The following TMEM71 variants were observed in gnomAD, a reference collection of about 807,000 sequenced individuals.
TMEM71 encodes the protein transmembrane protein 71.
A neutral mutation model predicts 38.0 loss-of-function variants in TMEM71; 44 were observed. That is an observed-to-expected ratio of 1.16 (90% CI 0.91 to 1.49). TMEM71 has a LOEUF of 1.49. Among genes scored for constraint, TMEM71 ranks in the 40% most tolerant of loss-of-function variants. The pLI is 0.00. For synonymous variants in TMEM71, 133 were observed against 122.5 expected (o/e 1.09, Z -0.56); for missense variants, 367 against 348.6 (o/e 1.05, Z -0.42).
chr8:132,743,558 C>T (rs1438875421), intron 5 of TMEM71, among the ~76,000 whole-genome samples: 1 of 152,178 alleles, frequency 6.6e-6, no homozygotes, highest in African/African-American at 2.4e-5. Flanking sequence ...CAGGTTAATC[C>T]TGTCCTATTC....
intron 5 of TMEM71, among the ~76,000 whole-genome samples, chr8:132,741,515 A>T (rs1447853633): frequency 6.6e-6 from 1 of 151,980 alleles, no homozygotes; most frequent in Admixed American, 6.6e-5. Context: ...GGCAGGGTAA[A>T]GAGTGTGAGT....
intron 5 of TMEM71, 38 bp downstream of exon 5, chr8:132,746,904 G>C (rs200453109): frequency 6.6e-7 from 1 of 1,517,046 alleles, no homozygotes; most frequent in Non-Finnish European, 8.8e-7. Context: ...CCCACTTGGA[G>C]ATAAAATTTT....
intron 5 of TMEM71, among the ~76,000 whole-genome samples, chr8:132,734,377 T>C (rs1052065567): frequency 5.3e-5 from 8 of 152,112 alleles, no homozygotes; most frequent in Admixed American, 4.6e-4. Flanking sequence ...GGCTAGCTGA[T>C]CAAATCAATG....
upstream of TMEM71, among the ~76,000 whole-genome samples, chr8:132,761,161 TGTAA>T (rs1829287306): frequency 6.6e-6 from 1 of 152,218 alleles, no homozygotes; most frequent in Non-Finnish European, 1.5e-5. Flanking sequence ...TCTGTACTAC[TGTAA>T]GTGATAAAAG....
chr8:132,718,315 T>A (rs2131019407), intron 7 of TMEM71, among the ~76,000 whole-genome samples: 1 of 152,290 alleles, frequency 6.6e-6, no homozygotes, highest in Non-Finnish European at 1.5e-5. Flanking sequence ...ATAAATTATT[T>A]GAAAAGGCCT....
Position 132,751,857 on chromosome 8 carries a change from A to G in TMEM71, c.242T>C (p.Leu81Pro). 1.9e-6 allele frequency: 3 copies of G among 1,614,058 alleles called. No individual in the cohort carries two copies. The highest frequency in any genetic ancestry group is 2.5e-6 in the Non-Finnish European group (3 of 1,180,040). ...GYYIWTEDSF[L>P]CDKDGNITLN... ...AGTTATGTTGCCATCTTTGTCGCACAGGAAGCTGTCTTCAGTCCAAATATA... is the reference window on the plus strand; with the variant it reads ...AGTTATGTTGCCATCTTTGTCGCACGGGAAGCTGTCTTCAGTCCAAATATA... The change falls in exon 4 of 10, where the codon CTG (leucine) becomes CCG (proline). Residue 81 changes from leucine (L) to proline (P), a missense_variant. Physicochemically the swap from Leu to Pro is moderately conservative, Grantham distance 98 (BLOSUM62 -3). Transcript: ENST00000677595.
At chr8:132,762,024 G>A (rs1280108145), upstream of TMEM71, among the ~76,000 whole-genome samples, 3 of 152,202 alleles carry the variant, frequency 2.0e-5, no homozygotes, top group African/African-American at 4.8e-5. Context: ...GGCTAGCCCT[G>A]CCCAGCTCCC....
intron 3 of TMEM71, among the ~76,000 whole-genome samples, chr8:132,754,937 T>C (rs753874150): frequency 2.0e-5 from 3 of 152,218 alleles, no homozygotes; most frequent in Non-Finnish European, 4.4e-5. Flanking sequence ...TTAATAAATA[T>C]GAAAATGGAG....
intron 1 of TMEM71, 166 bp downstream of exon 1, chr8:132,760,310 G>A (rs997167943): frequency 2.0e-5 from 3 of 152,222 alleles, no homozygotes; most frequent in Non-Finnish European, 2.9e-5. Flanking sequence ...TCCAAAGGGA[G>A]TTCCCAGCCT....
intron 1 of TMEM71, among the ~76,000 whole-genome samples, chr8:132,759,773 C>T (rs550876855): frequency 6.6e-6 from 1 of 152,208 alleles, no homozygotes; most frequent in South Asian, 2.1e-4. Context: ...TCAATCAAAC[C>T]AGGCTAATTC....
chr8:132,748,069 T>C (rs146317314), intron 4 of TMEM71, among the ~76,000 whole-genome samples: 2 of 152,352 alleles, frequency 1.3e-5, no homozygotes, highest in East Asian at 3.9e-4. Flanking sequence ...CTGAGCACAC[T>C]GTACTGGCAA....
intron 4 of TMEM71, 73 bp from the exon 5 acceptor site, chr8:132,747,187 A>T (rs1828438845): frequency 3.0e-6 from 4 of 1,323,168 alleles, no homozygotes; most frequent in Non-Finnish European, 4.0e-6. Flanking sequence ...TTTGAAGCGC[A>T]GAGTACATTT....
intron 7 of TMEM71, among the ~76,000 whole-genome samples, chr8:132,717,310 A>G (rs969221181): frequency 6.6e-6 from 1 of 152,232 alleles, no homozygotes. Context: ...CAAACCACAG[A>G]ATAGGAAAAA....
Position 132,710,828 on chromosome 8 carries a change from A to G in TMEM71, c.*139T>C. 1.3e-6 allele frequency: 1 copy of G among 754,248 alleles called. No homozygotes were observed. The highest frequency in any genetic ancestry group is 2.3e-6 in the Non-Finnish European group (1 of 427,304). The allele number at this position is 754,248 out of a possible 1,614,324, so 46.7% of individuals were successfully genotyped here. A position where few individuals can be genotyped will look rare whatever the true frequency, so the allele number is the denominator to read the frequency against. On this transcript the variant is annotated 3_prime_UTR_variant, in exon 10 of 10. Coordinates refer to ENST00000677595, the MANE Select transcript of TMEM71 (RefSeq NM_001382403.1). ...AACTGAGATCATTTTAAAATCACAT[A>G]GTCAAACTAAAATGGCTTTTTCTCC... is the stretch of plus-strand genomic sequence containing the variant.
chr8:132,740,229 G>C (rs181832189), intron 5 of TMEM71, among the ~76,000 whole-genome samples: 1 of 152,196 alleles, frequency 6.6e-6, no homozygotes, highest in East Asian at 1.9e-4. Flanking sequence ...CAGGCTCTGA[G>C]ACTAGAACTT....
At chr8:132,736,102 G>C (rs1827730319) in intron 5 of TMEM71, among the ~76,000 whole-genome samples, 2 of 152,154 alleles carry the variant, frequency 1.3e-5, no homozygotes, top group Admixed American at 1.3e-4. Context: ...CTGAGCCTTG[G>C]TCTTCTTGGT....
In TMEM71 at chr8:132,750,012, C is replaced by CAAAA. The variant is rs10623448; in HGVS notation, c.314+1769_314+1772dup. ...CTGGCGAAAGAGCGAGACTCCATCT[C>CAAAA]AAAAAAAAAAAAAGAAAGAAAGAAA... On this transcript the variant is annotated intron_variant, in intron 4 of 9. Coordinates refer to ENST00000677595, the MANE Select transcript of TMEM71 (RefSeq NM_001382403.1). Among the ~76,000 whole-genome samples the CAAAA allele has an allele frequency of 9.0e-3, 1,119 of 124,074 alleles. 29 individuals are homozygous for CAAAA. The highest frequency in any genetic ancestry group is 0.07 in the East Asian group (300 of 4,276). The allele number at this position is 124,074 out of a possible 152,430, so 81.4% of individuals were successfully genotyped here. A position where few individuals can be genotyped will look rare whatever the true frequency, so the allele number is the denominator to read the frequency against.
chr8:132,771,138 A>G, the TMEM71 span, among the ~76,000 whole-genome samples: 1 of 152,336 alleles, frequency 6.6e-6, no homozygotes, highest in Non-Finnish European at 1.5e-5. Context: ...TCCATATTCA[A>G]TGTACTTCTA....
chr8:132,737,594 T>C (rs1000064989), intron 5 of TMEM71, among the ~76,000 whole-genome samples: 3 of 152,244 alleles, frequency 2.0e-5, no homozygotes, highest in African/African-American at 7.2e-5. Context: ...TGTGGCCTCA[T>C]ATATAGTACC....
Sources: allele counts gnomAD v4.1 joint callset (sites outside exome capture counted in the v4.1 genomes callset), GRCh38; gene constraint gnomAD v4.1.1; transcripts MANE v1.5; gene names NCBI Gene and HGNC (gene_info 2026-07-23, HGNC 2026-07-21).